The following ZNF718 variants were observed in gnomAD, a reference collection of about 807,000 sequenced individuals.
The protein encoded by ZNF718 is zinc finger protein 718.
ZNF718 carries 3 observed loss-of-function variants against 2.6 expected under a neutral mutation model. That is an observed-to-expected ratio of 1.16 (90% CI 0.53 to 3.01). The LOEUF is 3.01. Ranked by LOEUF, ZNF718 falls within the 30% of genes most tolerant of loss-of-function variation. ZNF718 has a pLI of 0.03. For missense variants in ZNF718, 468 were observed against 230.0 expected, an observed-to-expected ratio of 2.03 and a Z score of -6.69; for synonymous variants, 135 against 77.9, an observed-to-expected ratio of 1.73 and a Z score of -3.86.
chr4:171,075 G>T (rs143828250), intron 3 of ZNF718, among the ~76,000 whole-genome samples: 1 of 152,138 alleles, frequency 6.6e-6, no homozygotes, highest in Non-Finnish European at 1.5e-5. Flanking sequence ...GTCAGGACCC[G>T]CAGCTTCAGG....
downstream of ZNF718, among the ~76,000 whole-genome samples, chr4:168,163 CAT>C (rs1269172559): frequency 6.6e-6 from 1 of 152,130 alleles, no homozygotes; most frequent in Non-Finnish European, 1.5e-5. Context: ...TATTGATTTT[CAT>C]ATGTTGAAAC....
intron 3 of ZNF718, among the ~76,000 whole-genome samples, chr4:135,744 G>A (rs1553809221): frequency 1.2e-3 from 29 of 24,436 alleles, no homozygotes; most frequent in Admixed American, 3.5e-3. Flanking sequence ...ATATATATGT[G>A]CATGATTATA....
At chr4:165,167 A>AT (rs1290597281), downstream of ZNF718, among the ~76,000 whole-genome samples, 1 of 151,924 alleles carries the variant, frequency 6.6e-6, no homozygotes, top group Non-Finnish European at 1.5e-5. Flanking sequence ...ATGCCATGTA[A>AT]TTTCACATGG....
intron 3 of ZNF718, among the ~76,000 whole-genome samples, chr4:141,181 G>GA (rs113680099): frequency 0.53 from 79,421 of 150,488 alleles, 21,145 homozygotes; most frequent in East Asian, 0.78. Context: ...TGTTATTCAT[G>GA]AAAAAAAAAG....
intron 3 of ZNF718, among the ~76,000 whole-genome samples, chr4:192,190 C>A (rs1037301672): frequency 2.0e-5 from 3 of 152,050 alleles, no homozygotes; most frequent in Non-Finnish European, 4.4e-5. Context: ...TCAGCTCGAG[C>A]CGGAACAAAC....
rs782760555 is a variant in ZNF718, at chr4:141,782, CT to C, written c.226+10278del. Among the ~76,000 whole-genome samples the C allele has an allele frequency of 3.3e-5, 5 of 152,026 alleles. No homozygotes were observed. In the East Asian group the frequency reaches 9.6e-4, roughly 29 times the overall value. On this transcript the variant is annotated intron_variant, in intron 3 of 3. Coordinates refer to ENST00000510175, the MANE Select transcript of ZNF718 (RefSeq NM_001039127.6). Reference sequence around the variant, plus strand: ...AATTTCCTTGTATAAAGCTACTGACCTACTAACACAAGTAAAACAAAAATTA... The same window carrying C: ...AATTTCCTTGTATAAAGCTACTGACCACTAACACAAGTAAAACAAAAATTA...
chr4:176,507 C>G (rs782190048), intron 3 of ZNF718, among the ~76,000 whole-genome samples: 2 of 152,180 alleles, frequency 1.3e-5, no homozygotes, highest in Non-Finnish European at 2.9e-5. Context: ...TAATGCAACA[C>G]ATCCAGCACC....
intron 3 of ZNF718, among the ~76,000 whole-genome samples, chr4:196,374 T>A (rs782324561): frequency 1.2e-4 from 18 of 152,184 alleles, no homozygotes; most frequent in Non-Finnish European, 2.1e-4. Flanking sequence ...ACTCTCTGGG[T>A]TCATAGCCTA....
intron 3 of ZNF718, chr4:136,557 C>G: frequency 4.1e-6 from 2 of 482,548 alleles, no homozygotes; most frequent in Non-Finnish European, 8.3e-6. Flanking sequence ...CTGGGTGAGG[C>G]CCTGCTTTTT....
At chr4:178,103 T>A (rs1717385645) in intron 3 of ZNF718, among the ~76,000 whole-genome samples, 1 of 151,998 alleles carries the variant, frequency 6.6e-6, no homozygotes, top group Non-Finnish European at 1.5e-5. Context: ...CATACACAGA[T>A]ACCTGAAAAT....
chr4:199,604 A>G (rs1036703758), intron 3 of ZNF718, among the ~76,000 whole-genome samples: 1 of 152,262 alleles, frequency 6.6e-6, no homozygotes, highest in Admixed American at 6.5e-5. Context: ...GATGAGAGAG[A>G]TAAGATTCCT....
intron 1 of ZNF718, 89 bp from the exon 2 acceptor site, chr4:130,699 A>AC (rs1254202427): frequency 5.1e-6 from 1 of 194,200 alleles, no homozygotes; most frequent in African/African-American, 3.1e-5. Context: ...CTGAGACCGT[A>AC]CCACTGCACT....
At position 182,647 on chromosome 4, in the gene ZNF718, GGTGTTGAACTCT is replaced by G. The variant is rs1717491806; in HGVS notation, c.227-18433_227-18422del. ...TGGGGTTTCACCATGTGGCCAGGCT[GGTGTTGAACTCT>G]TCACCTCAAGTGATCCGCCCACCTC... On this transcript the variant is annotated intron_variant and NMD_transcript_variant, in intron 3 of 4. Transcript: ENST00000642529. 2.6e-5 allele frequency among the ~76,000 whole-genome samples: 4 copies of G among 151,970 alleles called. No individual in the cohort carries two copies. In the South Asian group the frequency reaches 8.3e-4, roughly 31 times the overall value.
downstream of ZNF718, among the ~76,000 whole-genome samples, chr4:168,042 TGA>T (rs1452599530): frequency 6.6e-6 from 1 of 152,204 alleles, no homozygotes; most frequent in Non-Finnish European, 1.5e-5. Flanking sequence ...CCTAATTTAT[TGA>T]GAGTTTTTAG....
At chr4:192,316 C>G (rs1037115286) in intron 3 of ZNF718, among the ~76,000 whole-genome samples, 4 of 152,198 alleles carry the variant, frequency 2.6e-5, no homozygotes, top group African/African-American at 9.6e-5. Flanking sequence ...GGGTTTATAT[C>G]CCAATCATTG....
intron 3 of ZNF718, among the ~76,000 whole-genome samples, chr4:154,237 C>T (rs928273350): frequency 7.9e-5 from 12 of 152,232 alleles, no homozygotes; most frequent in Admixed American, 5.9e-4. Context: ...TATAGATTAT[C>T]CAATCTCAGG....
intron 3 of ZNF718, among the ~76,000 whole-genome samples, chr4:143,558 G>A (rs1715908104): frequency 6.6e-6 from 1 of 152,140 alleles, no homozygotes; most frequent in East Asian, 1.9e-4. Flanking sequence ...GGCACCAACA[G>A]ACCAAAACAA....
chr4:150,416 G>A (rs1186734541), intron 3 of ZNF718: 3 of 151,874 alleles, frequency 2.0e-5, no homozygotes, highest in African/African-American at 7.3e-5. Flanking sequence ...TGAGCCTTAG[G>A]TGTTATATCC....
At chr4:156,493 CAAAA>C (rs148528640) in intron 3 of ZNF718, among the ~76,000 whole-genome samples, 3 of 151,460 alleles carry the variant, frequency 2.0e-5, no homozygotes, top group Non-Finnish European at 4.4e-5. Context: ...TTTTAATTGT[CAAAA>C]AAAACAGACT....
Sources: allele counts gnomAD v4.1 joint callset (sites outside exome capture counted in the v4.1 genomes callset), GRCh38; gene constraint gnomAD v4.1.1; transcripts MANE v1.5; gene names NCBI Gene and HGNC (gene_info 2026-07-23, HGNC 2026-07-21).